Variants in WNK2 observed in about 807,000 individuals in gnomAD.
WNK2 encodes WNK lysine deficient protein kinase 2.
In WNK2, 67 loss-of-function variants were observed where a neutral mutation model predicts 192.1. The observed-to-expected ratio is 0.35, with a 90% CI of 0.29 to 0.43. WNK2 has a LOEUF of 0.43. WNK2 is among the 20% of genes least tolerant of loss of function. WNK2 has a pLI of 1.00. For missense variants in WNK2, 2,698 were observed against 3,089.7 expected (o/e 0.87, Z 3.01); for synonymous variants, 1,439 against 1,393.9 (o/e 1.03, Z -0.72).
intron 16 of WNK2, among the ~76,000 whole-genome samples, chr9:93,265,901 G>A (rs1279480007): frequency 6.6e-6 from 1 of 152,216 alleles, no homozygotes; most frequent in Non-Finnish European, 1.5e-5. Flanking sequence ...AAGCAATGGG[G>A]CTATCTTTAG....
Position 93,231,017 on chromosome 9 carries a change from T to C in WNK2, c.984T>C (p.Asn328=). Residue 328 remains asparagine, a synonymous_variant, in exon 4 of 30, where the codon AAT becomes AAC. Coordinates refer to ENST00000427277, the MANE Select transcript of WNK2 (RefSeq NM_006648.4). The part of the protein sequence containing the change: ...PIIHRDLKCD[N]IFITGPTGSV... ...TCCACCGAGACCTGAAATGTGACAA[T>C]ATTTTCATCACCGGACCAACTGGGT... The C allele has an allele frequency of 1.9e-6, 3 of 1,613,606 alleles. No individual in the cohort carries two copies. The highest frequency in any genetic ancestry group is 1.7e-6 in the Non-Finnish European group (2 of 1,179,818).
At chr9:93,312,886 A>G (rs1352935635) in intron 28 of WNK2, among the ~76,000 whole-genome samples, 1 of 151,928 alleles carries the variant, frequency 6.6e-6, no homozygotes, top group Non-Finnish European at 1.5e-5. Flanking sequence ...GGCTCTGTCC[A>G]CTCTGCCACT....
In WNK2 at chr9:93,318,511, C is replaced by T. The variant is rs538747987; in HGVS notation, c.6628+880C>T. Reference sequence around the variant, plus strand: ...GGGCCATGAGAAATCCGCCAGAAAACGTTAGGTGAGCAGACATGCCCCCCA... The same window carrying T: ...GGGCCATGAGAAATCCGCCAGAAAATGTTAGGTGAGCAGACATGCCCCCCA... On this transcript the variant is annotated intron_variant, in intron 29 of 29. Transcript: ENST00000427277. 43 of 1,614,126 alleles carry T rather than the reference C, an allele frequency of 2.7e-5. No individual in the cohort carries two copies. The Admixed American group carries it at 2.7e-4, about 10-fold the overall frequency.
intron 29 of WNK2, chr9:93,318,581 T>C (rs1419606859): frequency 6.2e-7 from 1 of 1,610,336 alleles, no homozygotes; most frequent in South Asian, 1.1e-5. Context: ...GTGTTGGGCA[T>C]AGAAACCCTG....
chr9:93,203,612 G>A (rs1832873879), intron 2 of WNK2, among the ~76,000 whole-genome samples: 3 of 152,180 alleles, frequency 2.0e-5, no homozygotes, highest in Admixed American at 1.3e-4. Context: ...TTGCAGATGG[G>A]ATTAAGTTAA....
chr9:93,233,015 T>G (rs1479362913), intron 4 of WNK2, among the ~76,000 whole-genome samples: 22 of 72,132 alleles, frequency 3.0e-4, no homozygotes, highest in African/African-American at 4.2e-4. Context: ...GAGAGAGAAA[T>G]AAAGAAAGAA....
chr9:93,225,627 C>A (rs780039255), intron 2 of WNK2, among the ~76,000 whole-genome samples: 4 of 152,122 alleles, frequency 2.6e-5, no homozygotes, highest in Non-Finnish European at 5.9e-5. Context: ...TTTTCTTAGT[C>A]ATTTAGAACG....
intron 19 of WNK2, among the ~76,000 whole-genome samples, chr9:93,269,572 A>T (rs1248018180): frequency 2.0e-5 from 3 of 152,228 alleles, no homozygotes; most frequent in Non-Finnish European, 4.4e-5. Flanking sequence ...TGGGCTGAGA[A>T]ATCAGAGAGA....
At chr9:93,202,778 T>A (rs1358599529) in intron 2 of WNK2, among the ~76,000 whole-genome samples, 1 of 151,992 alleles carries the variant, frequency 6.6e-6, no homozygotes, top group Admixed American at 6.6e-5. Flanking sequence ...CTGAAGCCCC[T>A]GAGGAGCTTT....
chr9:93,256,383 G>T lies in WNK2; in HGVS notation c.2119G>T (p.Ala707Ser). 6.4e-7 allele frequency: 1 copy of T among 1,564,236 alleles called. No individual in the cohort carries two copies. ...CTTCCCGGATCCGGCCATGAGCTTC[G>T]CCCCCGTGCTGCCGCCGCCCAGCAC... Reference protein sequence around the residue: ...QHFPDPAMSFAPVLPPPSTPM... With the variant: ...QHFPDPAMSFSPVLPPPSTPM... The change falls in exon 10 of 30, where the codon GCC (alanine) becomes TCC (serine). Residue 707 changes from alanine to serine, a missense_variant. Ala to Ser is a moderately conservative substitution (Grantham distance 99). Coordinates refer to ENST00000427277, the MANE Select transcript of WNK2 (RefSeq NM_006648.4).
At chr9:93,317,027 C>T (rs367810014) in intron 28 of WNK2, 102 of 187,348 alleles carry the variant, frequency 5.4e-4, no homozygotes, top group African/African-American at 2.0e-3. Flanking sequence ...GGGCACACCC[C>T]GCATACAGCT....
At chr9:93,256,629 TTG>T (rs1462673942) in intron 10 of WNK2, 175 bp downstream of exon 10, 14 of 787,646 alleles carry the variant, frequency 1.8e-5, no homozygotes, top group South Asian at 3.8e-5. Flanking sequence ...GTGCATGTGT[TTG>T]TGTGTGTACG....
At chr9:93,252,823 A>G (rs778482022) in intron 8 of WNK2, 60 bp from the exon 9 acceptor site, 67 of 1,318,540 alleles carry the variant, frequency 5.1e-5, no homozygotes, top group Admixed American at 3.9e-5. Flanking sequence ...AGATGAGCCA[A>G]TGTTTGTTCA....
At chr9:93,187,266 C>T (rs1463551534) in intron 2 of WNK2, among the ~76,000 whole-genome samples, 3 of 152,174 alleles carry the variant, frequency 2.0e-5, no homozygotes, top group African/African-American at 7.2e-5. Flanking sequence ...GCGATTCTGT[C>T]TCTGGGTCTG....
At chr9:93,312,845 T>C (rs190507004) in intron 28 of WNK2, among the ~76,000 whole-genome samples, 98 of 152,324 alleles carry the variant, frequency 6.4e-4, no homozygotes, top group Middle Eastern at 3.4e-3. Flanking sequence ...CGTAATGTTT[T>C]ACTCATCCAC....
intron 2 of WNK2, among the ~76,000 whole-genome samples, chr9:93,197,314 G>T (rs1332906656): frequency 6.6e-6 from 1 of 152,196 alleles, no homozygotes; most frequent in Admixed American, 6.5e-5. Flanking sequence ...AGGACCTGAG[G>T]CACTCAGTGA....
At chr9:93,263,774 GGGC>G (rs1844687198) in intron 15 of WNK2, 40 bp downstream of exon 15, 1 of 589,254 alleles carries the variant, frequency 1.7e-6, no homozygotes, top group Non-Finnish European at 2.7e-6. Flanking sequence ...GTGGGGGTGG[GGGC>G]ATGGTGGGGG....
intron 4 of WNK2, among the ~76,000 whole-genome samples, chr9:93,234,134 C>T (rs1839402367): frequency 1.3e-5 from 2 of 152,186 alleles, no homozygotes; most frequent in South Asian, 2.1e-4. Flanking sequence ...CATAACTTTG[C>T]CATGTCCTTA....
At chr9:93,222,595 T>C (rs886180994) in intron 2 of WNK2, among the ~76,000 whole-genome samples, 13 of 152,324 alleles carry the variant, frequency 8.5e-5, no homozygotes, top group African/African-American at 3.1e-4. Flanking sequence ...CAAAGAAGTC[T>C]AGGGGCACAT....
Sources: allele counts gnomAD v4.1 joint callset (sites outside exome capture counted in the v4.1 genomes callset), GRCh38; gene constraint gnomAD v4.1.1; transcripts MANE v1.5; gene names NCBI Gene and HGNC (gene_info 2026-07-23, HGNC 2026-07-21).